PCDHGA5: variants seen among roughly 807,000 people sequenced by gnomAD.
PCDHGA5 encodes the protein protocadherin gamma subfamily A, 5.
In PCDHGA5, 36 loss-of-function variants were observed where a neutral mutation model predicts 56.7. That is an observed-to-expected ratio of 0.64 (90% CI 0.49 to 0.84). The LOEUF is 0.84. Ranked by LOEUF, PCDHGA5 falls within the 40% of genes least tolerant of loss-of-function variation. PCDHGA5 has a pLI of 0.00. For synonymous variants in PCDHGA5, 563 were observed against 520.2 expected, an observed-to-expected ratio of 1.08 and a Z score of -1.12; for missense variants, 1,305 against 1,201.5, an observed-to-expected ratio of 1.09 and a Z score of -1.27.
chr5:141,425,483 C>A (rs1172308088), intron 1 of PCDHGA5, among the ~76,000 whole-genome samples: 2 of 152,304 alleles, frequency 1.3e-5, no homozygotes, highest in Non-Finnish European at 2.9e-5. Flanking sequence ...CTATGGCAAC[C>A]TACTAGGCTA....
In PCDHGA5 at chr5:141,366,067, T is replaced by C. The variant is rs11750908; in HGVS notation, c.1737T>C (p.Pro579=). 6.6e-3 allele frequency: 10,611 copies of C among 1,614,204 alleles called. 55 individuals carry two copies. Among genetic ancestry groups the C allele is most frequent in the Non-Finnish European group, 7.8e-3 (9,251 of 1,180,030 alleles). Residue 579 remains proline (P), a synonymous_variant, in exon 1 of 4, where the codon CCT becomes CCC. Coordinates refer to ENST00000518069, the MANE Select transcript of PCDHGA5 (RefSeq NM_018918.3). ...GTTCCACGGGCGTGGAGCTGGCGCCTCGCTCCGCAGAACCTGGCTACCTGG... is the reference window on the plus strand; with the variant it reads ...GTTCCACGGGCGTGGAGCTGGCGCCCCGCTCCGCAGAACCTGGCTACCTGG... ...TDGSTGVELA[P]RSAEPGYLVT...
At chr5:141,403,895 T>G in intron 1 of PCDHGA5, 1 of 1,613,884 alleles carries the variant, frequency 6.2e-7, no homozygotes, top group Non-Finnish European at 8.5e-7. Context: ...ATGTTCATTT[T>G]ATGAAATGGA....
chr5:141,407,159 A>G (rs1349203478), intron 1 of PCDHGA5, among the ~76,000 whole-genome samples: 1 of 152,232 alleles, frequency 6.6e-6, no homozygotes, highest in Non-Finnish European at 1.5e-5. Context: ...AGTGTCTGGG[A>G]ATCCTTTATG....
intron 1 of PCDHGA5, chr5:141,370,177 C>T: frequency 2.2e-6 from 1 of 462,820 alleles, no homozygotes; most frequent in Non-Finnish European, 3.8e-6. Context: ...GCGCCGGGTG[C>T]CGCTCTTGGC....
At position 141,403,603 on chromosome 5, in the gene PCDHGA5, C is replaced by T. The variant is rs2094431906; in HGVS notation, c.2421+36852C>T. On this transcript the variant is annotated intron_variant, in intron 1 of 3. Coordinates refer to ENST00000518069, the MANE Select transcript of PCDHGA5 (RefSeq NM_018918.3). ...ACCTGGTCCTCACGGCCTCGGATGG[C>T]GGCGAGCCGCGTCGCTCCAGCACAG... 4 of 1,613,762 alleles carry T rather than the reference C, an allele frequency of 2.5e-6. No individual in the cohort carries two copies. The East Asian group carries it at 8.9e-5, about 36-fold the overall frequency.
At chr5:141,470,589 G>A (rs1593264687) in intron 1 of PCDHGA5, among the ~76,000 whole-genome samples, 1 of 152,300 alleles carries the variant, frequency 6.6e-6, no homozygotes, top group East Asian at 1.9e-4. Flanking sequence ...TCATAGGCAG[G>A]CGACCTGTGC....
At chr5:141,382,897 A>G in intron 1 of PCDHGA5, 1 of 1,540,826 alleles carries the variant, frequency 6.5e-7, no homozygotes, top group East Asian at 2.3e-5. Flanking sequence ...AAGCAGGACG[A>G]CTATGGCGGC....
chr5:141,403,196 G>C lies in PCDHGA5; in HGVS notation c.2421+36445G>C, dbSNP rs762413220. 13 of 1,613,868 alleles carry C rather than the reference G, an allele frequency of 8.1e-6. No individual in the cohort carries two copies. The highest frequency in any genetic ancestry group is 1.6e-4 in the Middle Eastern group (1 of 6,078). On this transcript the variant is annotated intron_variant, in intron 1 of 3. Transcript: ENST00000518069. ...GCTTTTCTCTCTGAACCCGCGCAGC[G>C]GCACCTTGGTCACCGCGGGTAGGAT...
chr5:141,447,328 C>T (rs546209008), intron 1 of PCDHGA5, among the ~76,000 whole-genome samples: 39 of 151,886 alleles, frequency 2.6e-4, no homozygotes, highest in Admixed American at 7.2e-4. Flanking sequence ...TTAGTAGAGA[C>T]GGGTTTCATC....
intron 1 of PCDHGA5, among the ~76,000 whole-genome samples, chr5:141,455,776 A>G (rs1386162201): frequency 6.6e-6 from 1 of 152,186 alleles, no homozygotes. Context: ...GGGCTTTAAA[A>G]GAAACTTTTC....
rs759346998 is a variant in PCDHGA5 at position 141,410,849 on chromosome 5, C to CTTTTTTTTTT, written c.2421+44111_2421+44120dup. ...CAGACTGAAGATATTTTGTCTTTGT[C>CTTTTTTTTTT]TTTTTTTTTTTTTTTTTTTTTTGAG... On this transcript the variant is annotated intron_variant, in intron 1 of 3. Coordinates refer to ENST00000518069, the MANE Select transcript of PCDHGA5 (RefSeq NM_018918.3). 91 of 138,162 alleles carry CTTTTTTTTTT rather than the reference C, an allele frequency of 6.6e-4. 6 individuals are homozygous for CTTTTTTTTTT. The highest frequency in any genetic ancestry group is 2.3e-3 in the African/African-American group (38 of 16,624). The allele number at this position is 138,162 out of a possible 1,614,324, so 8.6% of individuals were successfully genotyped here. A position where few individuals can be genotyped will look rare whatever the true frequency, so the allele number is the denominator to read the frequency against.
In PCDHGA5 at chr5:141,366,579, T is replaced by C. The variant is rs1764662445; in HGVS notation, c.2249T>C (p.Leu750Pro). ...GGCGTGGATGGGGTTCGGGCTTTCC[T>C]GCAGACCTATTCCCACGAGGTCTCC... ...FVGVDGVRAFLQTYSHEVSLT... is the reference protein window; with the variant it reads ...FVGVDGVRAFPQTYSHEVSLT... The change falls in exon 1 of 4, where the codon CTG (leucine) becomes CCG (proline). Residue 750 changes from leucine (L) to proline (P), a missense_variant. Leu to Pro is a moderately conservative substitution (Grantham distance 98). Transcript: ENST00000518069. 6.2e-7 allele frequency: 1 copy of C among 1,614,256 alleles called. No individual in the cohort carries two copies. The highest frequency in any genetic ancestry group is 1.1e-5 in the South Asian group (1 of 91,088).
At chr5:141,448,654 A>G (rs966383140) in intron 1 of PCDHGA5, among the ~76,000 whole-genome samples, 1 of 152,048 alleles carries the variant, frequency 6.6e-6, no homozygotes, top group African/African-American at 2.4e-5. Context: ...AAATATTTCC[A>G]TATTGGCCGG....
At chr5:141,383,319 A>G (rs778348189) in intron 1 of PCDHGA5, 1 of 1,614,020 alleles carries the variant, frequency 6.2e-7, no homozygotes, top group Non-Finnish European at 8.5e-7. Context: ...AAATAAATGT[A>G]AAAATAATGG....
intron 1 of PCDHGA5, 33 bp downstream of exon 1, chr5:141,366,784 A>C (rs749444374): frequency 6.3e-7 from 1 of 1,579,152 alleles, no homozygotes; most frequent in Non-Finnish European, 8.6e-7. Context: ...GATGACCAGA[A>C]CATTTTCATT....
intron 1 of PCDHGA5, chr5:141,370,799 A>G: frequency 6.2e-7 from 1 of 1,614,032 alleles, no homozygotes; most frequent in Non-Finnish European, 8.5e-7. Context: ...CCTTTAGCCA[A>G]AATATCACTG....
rs757924501 is a variant in PCDHGA5, at chr5:141,490,548, A to G, written c.2422-4259A>G. 1.2e-6 allele frequency: 2 copies of G among 1,614,084 alleles called. No individual in the cohort carries two copies. Among genetic ancestry groups the G allele is most frequent in the South Asian group, 2.2e-5 (2 of 91,080 alleles). ...ATGCTGGTTCACCTTCCCTACACAA[A>G]CATCTCACCATCAGGCTCAACATTT... On this transcript the variant is annotated intron_variant, in intron 1 of 3. Transcript: ENST00000518069. This position sits in a 1 kb window ranked among gnomAD's most constrained non-coding sequence, Gnocchi z 5.4.
At chr5:141,427,944 A>C (rs780874108) in intron 1 of PCDHGA5, 63 of 1,586,294 alleles carry the variant, frequency 4.0e-5, no homozygotes, top group Non-Finnish European at 8.6e-6. Context: ...GGGCGACCTC[A>C]ATGACAATGT....
intron 1 of PCDHGA5, chr5:141,418,604 G>C: frequency 6.2e-7 from 1 of 1,614,040 alleles, no homozygotes; most frequent in African/African-American, 1.3e-5. Context: ...CGTGTACAGG[G>C]TTAGCCTTCG....
Sources: allele counts gnomAD v4.1 joint callset (sites outside exome capture counted in the v4.1 genomes callset), GRCh38; gene constraint gnomAD v4.1.1; non-coding constraint Gnocchi (gnomAD v3.1); transcripts MANE v1.5; gene names NCBI Gene and HGNC (gene_info 2026-07-23, HGNC 2026-07-21).